Variants in RNF216 observed in about 807,000 individuals in gnomAD.
The protein encoded by RNF216 is ring finger protein 216, also known as E3 ubiquitin-protein ligase RNF216.
A neutral mutation model predicts 110.8 loss-of-function variants in RNF216; 72 were observed. That is an observed-to-expected ratio of 0.65 (90% CI 0.54 to 0.79). The LOEUF is 0.79. RNF216 is among the 30% of genes least tolerant of loss of function. The pLI is 0.00. For missense variants in RNF216, 1,342 were observed against 1,141.2 expected (o/e 1.18, Z -2.54); for synonymous variants, 495 against 407.5 (o/e 1.21, Z -2.59).
intron 13 of RNF216, among the ~76,000 whole-genome samples, chr7:5,671,557 T>C (rs929300140): frequency 2.0e-5 from 3 of 151,714 alleles, no homozygotes; most frequent in Non-Finnish European, 2.9e-5. Flanking sequence ...GTAATCCCAG[T>C]ACTTTGGGAG....
chr7:5,651,472 T>C (rs138706236), intron 14 of RNF216, among the ~76,000 whole-genome samples: 2,792 of 152,232 alleles, frequency 0.018, 39 homozygotes, highest in Non-Finnish European at 0.029. Flanking sequence ...GCTCAAGCGA[T>C]CTACCTGCCT....
chr7:5,637,507 C>T (rs1787465834), intron 15 of RNF216, among the ~76,000 whole-genome samples: 1 of 152,122 alleles, frequency 6.6e-6, no homozygotes, highest in African/African-American at 2.4e-5. Flanking sequence ...ACAGAGGACT[C>T]ACATCTTTTC....
chr7:5,729,558 G>A lies in RNF216; in HGVS notation c.1263C>T (p.Thr421=), dbSNP rs142641769. 93 of 1,614,030 alleles carry A rather than the reference G, an allele frequency of 5.8e-5. No homozygotes were observed. Among genetic ancestry groups the A allele is most frequent in the Non-Finnish European group, 7.8e-5 (92 of 1,179,980 alleles). ...KIDFFDYSKL[T]PLDQRCFIQA... is the part of the protein sequence containing the mutation. ...GGATGAAGCAGCGCTGGTCAAGAGG[G>A]GTCAATTTAGAATAGTCAAAAAAGT... The change falls in exon 7 of 17, where the codon ACC becomes ACT. Residue 421 remains threonine, a synonymous_variant. Transcript: ENST00000389902.
intron 8 of RNF216, 97 bp downstream of exon 8, chr7:5,725,227 T>G (rs1373992792): frequency 3.6e-5 from 26 of 729,924 alleles, no homozygotes; most frequent in Non-Finnish European, 3.6e-5. Flanking sequence ...GTCCAGATGC[T>G]CAGCAGACAC....
chr7:5,682,133 T>C (rs546711731), intron 13 of RNF216, among the ~76,000 whole-genome samples: 2 of 152,326 alleles, frequency 1.3e-5, no homozygotes, highest in Admixed American at 1.3e-4. Flanking sequence ...CCCACGCTGC[T>C]AGGAAAAACC....
chr7:5,674,682 G>A (rs927459024), intron 13 of RNF216, among the ~76,000 whole-genome samples: 1 of 151,848 alleles, frequency 6.6e-6, no homozygotes, highest in Non-Finnish European at 1.5e-5. Context: ...GGGGAGACTA[G>A]TCCAAAAAGA....
At chr7:5,627,400 G>T (rs894922269) in intron 15 of RNF216, among the ~76,000 whole-genome samples, 1 of 152,124 alleles carries the variant, frequency 6.6e-6, no homozygotes. Flanking sequence ...TATGAGCAAC[G>T]TTCCAACGGG....
chr7:5,689,503 A>C (rs1791195030), intron 13 of RNF216, among the ~76,000 whole-genome samples: 1 of 152,150 alleles, frequency 6.6e-6, no homozygotes. Context: ...CATTTTCTAA[A>C]AAAAAACAAA....
rs1790592818 is a variant in RNF216 at position 5,680,668 on chromosome 7, C to CT, written c.2062-28159dup. On this transcript the variant is annotated intron_variant, in intron 13 of 16. Coordinates refer to ENST00000389902, the MANE Select transcript of RNF216 (RefSeq NM_207111.4). The surrounding 1 kb of genome is among the most constrained non-coding windows in gnomAD (Gnocchi z 4.3). The stretch of plus-strand genomic sequence containing the variant: ...CTGCCCGACTCGGCCTCCCAAAGTG[C>CT]TGGGATTACAGGTGTGAGCCACCGC... Among the ~76,000 whole-genome samples, 1 of 152,098 alleles carries CT rather than the reference C, an allele frequency of 6.6e-6. No individual in the cohort carries two copies. Among genetic ancestry groups the CT allele is most frequent in the Non-Finnish European group, 1.5e-5 (1 of 68,022 alleles).
chr7:5,696,824 T>G lies in RNF216; in HGVS notation c.2061+14937A>C, dbSNP rs796409845. On this transcript the variant is annotated intron_variant, in intron 13 of 16. Coordinates refer to ENST00000389902, the MANE Select transcript of RNF216 (RefSeq NM_207111.4). The surrounding 1 kb of genome is among the most constrained non-coding windows in gnomAD (Gnocchi z 5.4). ...GGAGGACGGCATGTCCCCAGGTTAC[T>G]AGAAATGACTTGCCATAGTGACTAC... Among the ~76,000 whole-genome samples, 72 of 152,270 alleles carry G rather than the reference T, an allele frequency of 4.7e-4. No individual in the cohort carries two copies. The highest frequency in any genetic ancestry group is 1.7e-3 in the African/African-American group (72 of 41,566).
intron 1 of RNF216, among the ~76,000 whole-genome samples, chr7:5,779,095 A>G (rs1168259771): frequency 6.6e-6 from 1 of 152,256 alleles, no homozygotes; most frequent in Non-Finnish European, 1.5e-5. Context: ...ATCAGGTATG[A>G]GAATGAATTA....
At position 5,741,269 on chromosome 7, in the gene RNF216, C is replaced by T. The variant is rs780202325; in HGVS notation, c.748G>A (p.Val250Ile). 25 of 1,614,068 alleles carry T rather than the reference C, an allele frequency of 1.5e-5. No homozygotes were observed. The East Asian group carries it at 2.9e-4, about 19-fold the overall frequency. Residue 250 changes from valine to isoleucine, a missense_variant, in exon 4 of 17, where the codon GTT (valine) becomes ATT (isoleucine). By Grantham distance (29) the Val-to-Ile change is conservative. Transcript: ENST00000389902. The stretch of plus-strand genomic sequence containing the variant: ...GCTTCAGGCTGCCGTTCCTGAGGAA[C>T]GACCTGGTTTGTTATTTCACGGGGC... ...QQPREITNQV[V>I]PQERQPEAEL...
intron 7 of RNF216, among the ~76,000 whole-genome samples, chr7:5,728,193 G>A (rs1350597639): frequency 6.6e-6 from 1 of 152,128 alleles, no homozygotes; most frequent in African/African-American, 2.4e-5. Context: ...GTGATTAAAT[G>A]TCCCTTCCTC....
At chr7:5,760,865 T>G in intron 2 of RNF216, 138 bp downstream of exon 2, 1 of 676,386 alleles carries the variant, frequency 1.5e-6, no homozygotes, top group Non-Finnish European at 2.6e-6. Flanking sequence ...ATAATTCTAG[T>G]CTAACTAGTC....
chr7:5,666,027 G>A (rs1000158022), intron 13 of RNF216, among the ~76,000 whole-genome samples: 18 of 152,044 alleles, frequency 1.2e-4, no homozygotes, highest in African/African-American at 4.1e-4. Context: ...TTAGCCGGGC[G>A]TGGTGGCGGG....
intron 13 of RNF216, among the ~76,000 whole-genome samples, chr7:5,684,506 C>T (rs1276162874): frequency 6.6e-6 from 1 of 152,182 alleles, no homozygotes. Context: ...CCAGGAAGCA[C>T]CAGCTGCTGG....
chr7:5,660,662 C>T (rs1453132884), intron 13 of RNF216, among the ~76,000 whole-genome samples: 2 of 151,878 alleles, frequency 1.3e-5, no homozygotes, highest in Admixed American at 6.6e-5. Flanking sequence ...ACTGCAGTCG[C>T]GACCTCCCTG....
chr7:5,632,135 T>C (rs765794299), intron 15 of RNF216, among the ~76,000 whole-genome samples: 6 of 152,204 alleles, frequency 3.9e-5, no homozygotes, highest in Non-Finnish European at 5.9e-5. Flanking sequence ...CAGCGGTCTA[T>C]AGAGGTTCAC....
chr7:5,781,234 T>A (rs1443060704), intron 1 of RNF216, among the ~76,000 whole-genome samples: 1 of 152,044 alleles, frequency 6.6e-6, no homozygotes, highest in African/African-American at 2.4e-5. Flanking sequence ...TCTCCCGGGC[T>A]GTTGCCCTCG....
Sources: gnomAD v4.1 joint callset for allele counts (sites outside exome capture counted in the v4.1 genomes callset) on GRCh38, gnomAD v4.1.1 for gene constraint, Gnocchi (gnomAD v3.1) non-coding constraint, MANE v1.5 for transcripts, NCBI Gene and HGNC (gene_info 2026-07-23, HGNC 2026-07-21) for gene names.